Variants in PPP1R14C observed in about 807,000 individuals in gnomAD.
PPP1R14C encodes protein phosphatase 1 regulatory inhibitor subunit 14C.
A neutral mutation model predicts 20.4 loss-of-function variants in PPP1R14C; 16 were observed. The ratio of observed to expected loss-of-function variants is 0.78; its 90% CI spans 0.53 to 1.19. PPP1R14C has a LOEUF of 1.19. PPP1R14C is among the 50% of genes most tolerant of loss of function. PPP1R14C has a pLI of 0.00. For missense variants in PPP1R14C, 211 were observed against 220.1 expected (o/e 0.96, Z 0.26); for synonymous variants, 91 against 91.0 (o/e 1.00, Z 0.00).
At chr6:150,163,163 A>G (rs1777388994) in intron 1 of PPP1R14C, among the ~76,000 whole-genome samples, 2 of 152,168 alleles carry the variant, frequency 1.3e-5, no homozygotes, top group Non-Finnish European at 2.9e-5. Flanking sequence ...AGGCCGAGGC[A>G]GGCGGATCAC....
chr6:150,192,664 A>C (rs1777759298), intron 1 of PPP1R14C, among the ~76,000 whole-genome samples: 1 of 152,176 alleles, frequency 6.6e-6, no homozygotes, highest in African/African-American at 2.4e-5. Context: ...GTAGCTTAAC[A>C]CAATATGTGT....
chr6:150,222,659 A>G (rs1381013200), intron 3 of PPP1R14C, among the ~76,000 whole-genome samples: 1 of 151,562 alleles, frequency 6.6e-6, no homozygotes, highest in Non-Finnish European at 1.5e-5. Flanking sequence ...TATTGTCTCC[A>G]TAGTTTTACC....
chr6:150,192,747 C>T (rs77455072), intron 1 of PPP1R14C, among the ~76,000 whole-genome samples: 6,712 of 152,258 alleles, frequency 0.044, 306 homozygotes, highest in East Asian at 0.12. Flanking sequence ...CTTACACAGC[C>T]GGAGTCAGAT....
chr6:150,231,661 T>C lies in PPP1R14C; in HGVS notation c.423+14805T>C, dbSNP rs1037772200. 6.6e-5 allele frequency among the ~76,000 whole-genome samples: 10 copies of C among 152,232 alleles called. No homozygotes were observed. In the East Asian group the frequency reaches 1.9e-3, roughly 29 times the overall value. ...CTAGGAAGACAAAGATGAGTAAGAC[T>C]TTTGGAATCATGTGGGGGTGACAAG... On this transcript the variant is annotated intron_variant, in intron 3 of 3. Transcript: ENST00000361131.
At chr6:150,240,418 C>A (rs11968052) in intron 3 of PPP1R14C, among the ~76,000 whole-genome samples, 1 of 152,042 alleles carries the variant, frequency 6.6e-6, no homozygotes, top group African/African-American at 2.4e-5. Context: ...GCCCCACAGA[C>A]TGGGAGTGGG....
chr6:150,245,054 A>G (rs1283046099), intron 3 of PPP1R14C, among the ~76,000 whole-genome samples: 1 of 152,078 alleles, frequency 6.6e-6, no homozygotes, highest in Non-Finnish European at 1.5e-5. Flanking sequence ...ACCTCAGCAA[A>G]TGGCACTATC....
At chr6:150,153,418 C>G (rs1421023859) in intron 1 of PPP1R14C, among the ~76,000 whole-genome samples, 1 of 152,194 alleles carries the variant, frequency 6.6e-6, no homozygotes, top group African/African-American at 2.4e-5. Context: ...TGAAAGTCTT[C>G]AAAGAAAGGG....
At chr6:150,214,675 C>G in intron 1 of PPP1R14C, 69 bp from the exon 2 acceptor site, 1 of 1,153,472 alleles carries the variant, frequency 8.7e-7, no homozygotes, top group Non-Finnish European at 1.3e-6. Context: ...TCAACTTAAC[C>G]TAACTGGTGG....
At chr6:150,166,293 G>T (rs535050712) in intron 1 of PPP1R14C, among the ~76,000 whole-genome samples, 2 of 152,058 alleles carry the variant, frequency 1.3e-5, no homozygotes, top group African/African-American at 2.4e-5. Context: ...TGTTAGCCAG[G>T]ATGGTCTCGA....
chr6:150,207,861 A>G (rs1777972803), intron 1 of PPP1R14C, among the ~76,000 whole-genome samples: 1 of 152,178 alleles, frequency 6.6e-6, no homozygotes, highest in African/African-American at 2.4e-5. Flanking sequence ...CCAGAATCCC[A>G]AGAGGAACCA....
chr6:150,228,184 T>C (rs530836657), intron 3 of PPP1R14C, among the ~76,000 whole-genome samples: 1 of 152,312 alleles, frequency 6.6e-6, no homozygotes, highest in East Asian at 1.9e-4. Flanking sequence ...AGACATGCAG[T>C]CATGAAGCAA....
At chr6:150,175,912 C>T (rs1777556902) in intron 1 of PPP1R14C, among the ~76,000 whole-genome samples, 1 of 152,234 alleles carries the variant, frequency 6.6e-6, no homozygotes, top group Non-Finnish European at 1.5e-5. Context: ...CTTGGCCAGT[C>T]TTCTTCAGCA....
At chr6:150,216,389 G>A (rs1256292392) in intron 2 of PPP1R14C, among the ~76,000 whole-genome samples, 2 of 152,072 alleles carry the variant, frequency 1.3e-5, no homozygotes, top group East Asian at 1.9e-4. Context: ...CCAGCTATTC[G>A]GAAGGCTGAG....
intron 1 of PPP1R14C, among the ~76,000 whole-genome samples, chr6:150,183,441 G>T (rs781343295): frequency 2.0e-5 from 3 of 152,122 alleles, no homozygotes; most frequent in African/African-American, 7.2e-5. Flanking sequence ...TCCAAATGTC[G>T]TAGTACAGAG....
intron 3 of PPP1R14C, among the ~76,000 whole-genome samples, chr6:150,220,146 C>T (rs1392081005): frequency 2.0e-5 from 3 of 152,188 alleles, no homozygotes; most frequent in African/African-American, 4.8e-5. Flanking sequence ...AGAGCCACCG[C>T]GCCCGGCCAA....
chr6:150,188,872 T>C (rs1777709270), intron 1 of PPP1R14C, among the ~76,000 whole-genome samples: 1 of 151,674 alleles, frequency 6.6e-6, no homozygotes, highest in South Asian at 2.1e-4. Flanking sequence ...TATTTATTAA[T>C]TTTTTAGACA....
chr6:150,213,270 G>C (rs993702620), intron 1 of PPP1R14C, among the ~76,000 whole-genome samples: 2 of 152,058 alleles, frequency 1.3e-5, no homozygotes, highest in African/African-American at 2.4e-5. Context: ...CCTGTTCTTG[G>C]AGCTAATGTC....
In PPP1R14C at chr6:150,143,273, G is replaced by A. The variant is rs1460757728; in HGVS notation, c.81G>A (p.Arg27=). ...CACGGGTTTTCTTCCAAAGCCCCCGGGGTGGCGCCGGTGGCAGCCCCGGCT... is the reference window on the plus strand; with the variant it reads ...CACGGGTTTTCTTCCAAAGCCCCCGAGGTGGCGCCGGTGGCAGCCCCGGCT... The part of the protein sequence containing the change: ...GGARVFFQSP[R]GGAGGSPGSS... Residue 27 remains arginine (R), a synonymous_variant, in exon 1 of 4, where the codon CGG becomes CGA. Coordinates refer to ENST00000361131, the MANE Select transcript of PPP1R14C (RefSeq NM_030949.3). This position sits in a 1 kb window ranked among gnomAD's most constrained non-coding sequence, Gnocchi z 5.6. The A allele has an allele frequency of 6.6e-7, 1 of 1,523,612 alleles. No homozygotes were observed. Among genetic ancestry groups the A allele is most frequent in the South Asian group, 1.2e-5 (1 of 82,876 alleles). The allele number at this position is 1,523,612 out of a possible 1,614,324, so 94.4% of individuals were successfully genotyped here. A position where few individuals can be genotyped will look rare whatever the true frequency, so the allele number is the denominator to read the frequency against.
At chr6:150,215,995 G>A (rs1459383214) in intron 2 of PPP1R14C, among the ~76,000 whole-genome samples, 2 of 152,196 alleles carry the variant, frequency 1.3e-5, no homozygotes, top group African/African-American at 4.8e-5. Flanking sequence ...GACCAGAGGA[G>A]TGGGTTTGAA....
Sources: gnomAD v4.1 joint callset for allele counts (sites outside exome capture counted in the v4.1 genomes callset) on GRCh38, gnomAD v4.1.1 for gene constraint, Gnocchi (gnomAD v3.1) non-coding constraint, MANE v1.5 for transcripts, NCBI Gene and HGNC (gene_info 2026-07-23, HGNC 2026-07-21) for gene names.